Variants in KIAA1217 observed in about 807,000 individuals in gnomAD.
KIAA1217 encodes the protein KIAA1217, also known as sickle tail protein homolog.
Under a neutral mutation model 163.9 loss-of-function variants are expected in KIAA1217, and 88 were observed. That is an observed-to-expected ratio of 0.54 (90% CI 0.45 to 0.64). KIAA1217 has a LOEUF of 0.64. Ranked by LOEUF, KIAA1217 falls within the 30% of genes least tolerant of loss-of-function variation. The pLI is 0.00. For missense variants in KIAA1217, 2,372 were observed against 2,475.0 expected (o/e 0.96, Z 0.88); for synonymous variants, 903 against 923.1 (o/e 0.98, Z 0.39).
chr10:23,711,379 G>A (rs1272514254), intron 1 of KIAA1217, among the ~76,000 whole-genome samples: 2 of 152,018 alleles, frequency 1.3e-5, no homozygotes, highest in African/African-American at 4.8e-5. Context: ...GAGGCAAGAG[G>A]GTCACAGAAG....
chr10:24,344,394 C>T (rs2047470578), intron 2 of KIAA1217, among the ~76,000 whole-genome samples: 1 of 152,134 alleles, frequency 6.6e-6, no homozygotes, highest in African/African-American at 2.4e-5. Context: ...TACCAGTTGC[C>T]CTGATCTGAC....
At chr10:24,086,823 A>G (rs1260051166) in intron 2 of KIAA1217, among the ~76,000 whole-genome samples, 5 of 152,192 alleles carry the variant, frequency 3.3e-5, no homozygotes, top group African/African-American at 9.6e-5. Flanking sequence ...CTGGTTTCCT[A>G]TGAGGGACTC....
chr10:23,765,173 C>T (rs1489816546), intron 1 of KIAA1217, among the ~76,000 whole-genome samples: 1 of 140,948 alleles, frequency 7.1e-6, no homozygotes, highest in Admixed American at 7.1e-5. Context: ...CTTTTGTTTT[C>T]CCTTTTTTGT....
At chr10:23,761,680 G>T (rs1408738933) in intron 1 of KIAA1217, among the ~76,000 whole-genome samples, 1 of 152,050 alleles carries the variant, frequency 6.6e-6, no homozygotes, top group East Asian at 1.9e-4. Context: ...CCCACTATAT[G>T]GTCGATTTTA....
chr10:24,475,589 G>A (rs1487738142), intron 6 of KIAA1217, among the ~76,000 whole-genome samples: 1 of 152,190 alleles, frequency 6.6e-6, no homozygotes, highest in Non-Finnish European at 1.5e-5. Context: ...AACAGTGAAT[G>A]GCTTGATGAT....
At chr10:24,244,321 A>G (rs1390981681) in intron 2 of KIAA1217, among the ~76,000 whole-genome samples, 1 of 152,182 alleles carries the variant, frequency 6.6e-6, no homozygotes, top group Non-Finnish European at 1.5e-5. Context: ...GAAGCTCTTT[A>G]CAGCTGAGGC....
chr10:24,546,203 T>A lies in KIAA1217; in HGVS notation c.5711T>A (p.Val1904Asp), dbSNP rs748098098. Reference sequence around the variant, plus strand: ...TCCCCTCCTTCTCCTGCCTCCTCCGTCTCACTGAATCAAGGTGCCAAGGGC... The same window carrying A: ...TCCCCTCCTTCTCCTGCCTCCTCCGACTCACTGAATCAAGGTGCCAAGGGC... Reference protein sequence around the residue: ...SSSPPSPASSVSLNQGAKGTR... With the variant: ...SSSPPSPASSDSLNQGAKGTR... Residue 1904 changes from valine to aspartate, a missense_variant, in exon 21 of 21, where the codon GTC (valine) becomes GAC (aspartate). By Grantham distance (152) the Val-to-Asp change is radical. This residue lies in a region of KIAA1217 where 690 missense variants were observed against 677.5 expected (regional missense o/e 1.02). Transcript: ENST00000376454. 3.7e-6 allele frequency: 6 copies of A among 1,613,984 alleles called. No homozygotes were observed. The Admixed American group carries it at 6.7e-5, about 18-fold the overall frequency.
intron 2 of KIAA1217, among the ~76,000 whole-genome samples, chr10:24,342,591 C>T (rs1001497597): frequency 1.3e-5 from 2 of 151,626 alleles, no homozygotes; most frequent in Non-Finnish European, 2.9e-5. Flanking sequence ...CTGTATGTCG[C>T]TTCTCCACTT....
chr10:24,088,289 GTA>G (rs141353834), intron 2 of KIAA1217, among the ~76,000 whole-genome samples: 7,537 of 99,420 alleles, frequency 0.076, 1,077 homozygotes, highest in African/African-American at 0.24. Flanking sequence ...ACATATATGT[GTA>G]TATATATATA....
At chr10:24,140,250 C>T (rs2064002980) in intron 2 of KIAA1217, among the ~76,000 whole-genome samples, 1 of 151,760 alleles carries the variant, frequency 6.6e-6, no homozygotes, top group Admixed American at 6.6e-5. Flanking sequence ...GTCCCAGCTA[C>T]TCAGGAGGCT....
At chr10:24,513,974 T>C (rs1192144146) in intron 10 of KIAA1217, among the ~76,000 whole-genome samples, 1 of 152,166 alleles carries the variant, frequency 6.6e-6, no homozygotes, top group East Asian at 1.9e-4. Context: ...TATTCAACTG[T>C]AGTTAAAATT....
intron 2 of KIAA1217, among the ~76,000 whole-genome samples, chr10:24,234,564 AGG>A (rs2071926271): frequency 6.9e-6 from 1 of 144,868 alleles, no homozygotes; most frequent in South Asian, 2.3e-4. Flanking sequence ...CTCAGAGCTG[AGG>A]CAGAATTGCT....
rs188904119 is a variant in KIAA1217 at position 23,959,969 on chromosome 10, G to A, written c.-320-47256G>A. Among the ~76,000 whole-genome samples, 17 of 145,266 alleles carry A rather than the reference G, an allele frequency of 1.2e-4. No individual in the cohort carries two copies. In the South Asian group the frequency reaches 1.8e-3, roughly 15 times the overall value. On this transcript the variant is annotated intron_variant, in intron 1 of 18. Coordinates refer to the KIAA1217 transcript ENST00000376462. ...CTCCCTCTGTTGCCCAGGCTGGAGC[G>A]CAGTGGTGCCATCTCAGCTCACCGC...
intron 2 of KIAA1217, among the ~76,000 whole-genome samples, chr10:24,062,002 C>G (rs554642959): frequency 2.6e-4 from 40 of 152,132 alleles, no homozygotes; most frequent in Admixed American, 9.2e-4. Flanking sequence ...TTATCTGGAA[C>G]CTCCATGATG....
intron 2 of KIAA1217, among the ~76,000 whole-genome samples, chr10:24,127,337 C>G (rs1238922483): frequency 1.3e-5 from 2 of 152,068 alleles, no homozygotes; most frequent in Non-Finnish European, 2.9e-5. Context: ...GGTTTATATC[C>G]TACCTTGAAA....
intron 1 of KIAA1217, among the ~76,000 whole-genome samples, chr10:23,769,619 A>G (rs758359715): frequency 6.6e-6 from 1 of 152,224 alleles, no homozygotes; most frequent in Non-Finnish European, 1.5e-5. Context: ...AGGAATGAAC[A>G]AAGACAGCTT....
chr10:23,965,797 G>A (rs915323565), intron 1 of KIAA1217, among the ~76,000 whole-genome samples: 3 of 152,138 alleles, frequency 2.0e-5, no homozygotes, highest in Admixed American at 1.3e-4. Context: ...TTGAGGCTAA[G>A]GATACTGGGG....
At position 23,704,146 on chromosome 10, in the gene KIAA1217, ATGTG is replaced by A. The variant is rs1241004091; in HGVS notation, c.-321+8936_-321+8939del. 1.5e-3 allele frequency among the ~76,000 whole-genome samples: 97 copies of A among 64,858 alleles called. 1 individual carries two copies. The highest frequency in any genetic ancestry group is 0.018 in the Middle Eastern group (2 of 114). 42.5% of individuals were successfully genotyped at this position (64,858 alleles called of 152,430 possible). A position where few individuals can be genotyped will look rare whatever the true frequency, so the allele number is the denominator to read the frequency against. The stretch of plus-strand genomic sequence containing the variant: ...CATATATGCATGTATGTGTGTGTGT[ATGTG>A]TGTGTGTGTGTGTGTGTGTGTGTAT... On this transcript the variant is annotated intron_variant, in intron 1 of 18. Transcript: ENST00000376462.
intron 2 of KIAA1217, among the ~76,000 whole-genome samples, chr10:24,112,948 T>C (rs950822850): frequency 6.6e-6 from 1 of 151,092 alleles, no homozygotes; most frequent in Admixed American, 6.6e-5. Context: ...CATGTGAAAA[T>C]AGAGGAGGCA....
Sources: gnomAD v4.1 joint callset for allele counts (sites outside exome capture counted in the v4.1 genomes callset) on GRCh38, gnomAD v4.1.1 for gene constraint, gnomAD v4.1.1 regional missense constraint, MANE v1.5 for transcripts, NCBI Gene and HGNC (gene_info 2026-07-23, HGNC 2026-07-21) for gene names.